The following TXNL4A variants were observed in gnomAD, a reference collection of about 807,000 sequenced individuals.
TXNL4A encodes the protein thioredoxin-like protein 4A.
Under a neutral mutation model 14.6 loss-of-function variants are expected in TXNL4A, and 17 were observed. The ratio of observed to expected loss-of-function variants is 1.16; its 90% CI spans 0.80 to 1.74. TXNL4A has a LOEUF of 1.74. TXNL4A is among the 40% of genes most tolerant of loss of function. The probability of loss-of-function intolerance (pLI) is 0.00; values close to 1 mark genes in which losing one functional copy is unlikely to be tolerated. For synonymous variants in TXNL4A, 83 were observed against 70.6 expected, an observed-to-expected ratio of 1.18 and a Z score of -0.88; for missense variants, 74 against 195.2, an observed-to-expected ratio of 0.38 and a Z score of 3.70.
At chr18:80,015,607 C>T (rs192772223) in intron 1 of TXNL4A, among the ~76,000 whole-genome samples, 14 of 151,306 alleles carry the variant, frequency 9.3e-5, no homozygotes, top group African/African-American at 1.7e-4. Flanking sequence ...TGAGAACATG[C>T]GGTGTTTGGT....
At chr18:80,007,292 G>A (rs1215129677) in intron 1 of TXNL4A, among the ~76,000 whole-genome samples, 1 of 152,174 alleles carries the variant, frequency 6.6e-6, no homozygotes, top group Non-Finnish European at 1.5e-5. Flanking sequence ...AAAATGCGAG[G>A]TCCCTGAATG....
intron 1 of TXNL4A, among the ~76,000 whole-genome samples, chr18:79,981,633 C>T (rs1183281207): frequency 6.6e-6 from 1 of 152,260 alleles, no homozygotes; most frequent in Non-Finnish European, 1.5e-5. Flanking sequence ...GACCGTGCCA[C>T]TGCACTCCAG....
At chr18:79,977,243 A>G (rs2145057716) in intron 2 of TXNL4A, 2 of 301,158 alleles carry the variant, frequency 6.6e-6, no homozygotes, top group Admixed American at 1.0e-4. Context: ...AGGCGCTTTG[A>G]GCCACTGTGC....
At chr18:79,978,576 C>T (rs1430983638) in intron 1 of TXNL4A, among the ~76,000 whole-genome samples, 2 of 152,126 alleles carry the variant, frequency 1.3e-5, no homozygotes, top group Non-Finnish European at 2.9e-5. Context: ...TCACTGCAAC[C>T]TCTGCCTCCT....
chr18:79,981,743 C>T (rs906584778), intron 1 of TXNL4A, among the ~76,000 whole-genome samples: 16 of 152,368 alleles, frequency 1.1e-4, no homozygotes, highest in Non-Finnish European at 2.4e-4. Context: ...ATGTGACTCT[C>T]CTTTTGCCTT....
At chr18:79,983,672 T>G (rs1006880214) in intron 1 of TXNL4A, among the ~76,000 whole-genome samples, 1 of 152,266 alleles carries the variant, frequency 6.6e-6, no homozygotes, top group Non-Finnish European at 1.5e-5. Context: ...ACTGAAAAAC[T>G]TGACTTTCTA....
At chr18:80,021,229 T>G (rs184112400) in intron 1 of TXNL4A, among the ~76,000 whole-genome samples, 3 of 151,846 alleles carry the variant, frequency 2.0e-5, no homozygotes, top group Non-Finnish European at 4.4e-5. Context: ...CAGGCTGGAC[T>G]ACAGTGCCAT....
chr18:80,004,807 C>T (rs2051719303), intron 1 of TXNL4A, among the ~76,000 whole-genome samples: 2 of 152,104 alleles, frequency 1.3e-5, no homozygotes, highest in African/African-American at 2.4e-5. Flanking sequence ...GGCTGCCGGT[C>T]CTGAGATGAT....
upstream of TXNL4A, among the ~76,000 whole-genome samples, chr18:79,991,103 G>A (rs2051625382): frequency 3.4e-5 from 3 of 87,876 alleles, no homozygotes; most frequent in Admixed American, 1.5e-4. Context: ...GCCAGACTCC[G>A]TCTCAAAAAA....
chr18:80,016,974 T>C (rs970425925), intron 1 of TXNL4A, among the ~76,000 whole-genome samples: 11 of 152,150 alleles, frequency 7.2e-5, no homozygotes, highest in Non-Finnish European at 1.3e-4. Context: ...TTTCACGATA[T>C]TGATTCTTCC....
At chr18:79,988,178 G>A (rs1436441070) in intron 1 of TXNL4A, 62 bp downstream of exon 1, 11 of 1,393,572 alleles carry the variant, frequency 7.9e-6, no homozygotes, top group Admixed American at 2.2e-5. Context: ...ACGCCGGCAG[G>A]GCAGAGGCGC....
At chr18:80,032,921 C>T (rs1278035232) in intron 1 of TXNL4A, among the ~76,000 whole-genome samples, 1 of 147,414 alleles carries the variant, frequency 6.8e-6, no homozygotes, top group Non-Finnish European at 1.5e-5. Flanking sequence ...TCTGATTGTT[C>T]CCCTACCACA....
intron 1 of TXNL4A, among the ~76,000 whole-genome samples, chr18:80,025,931 C>T (rs955653481): frequency 3.9e-5 from 6 of 152,340 alleles, no homozygotes; most frequent in Admixed American, 3.3e-4. Flanking sequence ...TACTATTCCT[C>T]CAGTGCTCCA....
At chr18:80,000,229 G>C (rs1262982484) in intron 1 of TXNL4A, among the ~76,000 whole-genome samples, 1 of 152,204 alleles carries the variant, frequency 6.6e-6, no homozygotes. Flanking sequence ...GGAAAGTTTG[G>C]AACTCCCTAG....
At chr18:79,988,567 C>G, upstream of TXNL4A, 1 of 603,798 alleles carries the variant, frequency 1.7e-6, no homozygotes, top group Non-Finnish European at 2.4e-6. Flanking sequence ...AACGTCTGGG[C>G]GCGCACGCAC....
At chr18:80,033,186 TACAC>T (rs1024608244) in intron 1 of TXNL4A, among the ~76,000 whole-genome samples, 1 of 152,094 alleles carries the variant, frequency 6.6e-6, no homozygotes, top group East Asian at 1.9e-4. Flanking sequence ...TACATACGCA[TACAC>T]ACACACATAT....
At chr18:80,029,181 G>A (rs1022805714) in intron 1 of TXNL4A, among the ~76,000 whole-genome samples, 1 of 152,118 alleles carries the variant, frequency 6.6e-6, no homozygotes, top group Non-Finnish European at 1.5e-5. Flanking sequence ...TGCCCCTTAT[G>A]GAATATGTCC....
chr18:80,001,404 A>C (rs2051697601), intron 1 of TXNL4A, among the ~76,000 whole-genome samples: 1 of 152,182 alleles, frequency 6.6e-6, no homozygotes, highest in Non-Finnish European at 1.5e-5. Flanking sequence ...CAGAGTCCTC[A>C]CTAGGGCACT....
intron 1 of TXNL4A, among the ~76,000 whole-genome samples, chr18:80,020,194 C>G (rs1245497525): frequency 6.6e-6 from 1 of 152,194 alleles, no homozygotes; most frequent in Non-Finnish European, 1.5e-5. Context: ...CCTCCTATTT[C>G]CTTGAGGTTT....
Sources: gnomAD v4.1 joint callset for allele counts (sites outside exome capture counted in the v4.1 genomes callset) on GRCh38, gnomAD v4.1.1 for gene constraint, MANE v1.5 for transcripts, NCBI Gene and HGNC (gene_info 2026-07-23, HGNC 2026-07-21) for gene names.